Variants in FOXO3 observed in about 807,000 individuals in gnomAD.
FOXO3 encodes forkhead box protein O3.
A neutral mutation model predicts 41.9 loss-of-function variants in FOXO3; 4 were observed. The observed-to-expected ratio is 0.10, with a 90% confidence interval of 0.05 to 0.22. The LOEUF is 0.22. Ranked by LOEUF, FOXO3 falls within the 10% of genes least tolerant of loss-of-function variation. FOXO3 has a pLI of 1.00. For synonymous variants in FOXO3, 318 were observed against 389.3 expected, an observed-to-expected ratio of 0.82 and a Z score of 2.16; for missense variants, 534 against 906.8, an observed-to-expected ratio of 0.59 and a Z score of 5.28.
intron 1 of FOXO3, among the ~76,000 whole-genome samples, chr6:108,650,895 G>A (rs1014650048): frequency 3.9e-5 from 6 of 152,186 alleles, no homozygotes; most frequent in Middle Eastern, 3.4e-3. Context: ...CAGGAGTGTC[G>A]TGGAATAAAT....
chr6:108,641,560 A>G (rs1194134578), intron 1 of FOXO3, among the ~76,000 whole-genome samples: 1 of 152,186 alleles, frequency 6.6e-6, no homozygotes, highest in Non-Finnish European at 1.5e-5. Flanking sequence ...TGGAATAATA[A>G]GGCAACTTAT....
At chr6:108,638,841 C>A (rs948793321) in intron 1 of FOXO3, among the ~76,000 whole-genome samples, 11 of 152,152 alleles carry the variant, frequency 7.2e-5, no homozygotes, top group Non-Finnish European at 1.5e-4. Flanking sequence ...GGTCTAGATT[C>A]TTTGGAAAAA....
chr6:108,571,980 A>G (rs961233867), intron 1 of FOXO3, among the ~76,000 whole-genome samples: 1 of 152,182 alleles, frequency 6.6e-6, no homozygotes, highest in Non-Finnish European at 1.5e-5. Context: ...CAGTGAGGAC[A>G]GAGGGAGGCA....
At chr6:108,670,526 C>G (rs1779188469) in intron 2 of FOXO3, among the ~76,000 whole-genome samples, 1 of 151,108 alleles carries the variant, frequency 6.6e-6, no homozygotes, top group African/African-American at 2.4e-5. Context: ...TTAAGAAATA[C>G]CATGTTAAAC....
rs114228761 is a variant in FOXO3 at position 108,675,120 on chromosome 6, C to A, written c.*35-4707C>A. ...GATAGGGATTTATCTGTCCCTATCT[C>A]TGATAGGGATAGATCAGATAGTTTA... is the stretch of plus-strand genomic sequence containing the variant. On this transcript the variant is annotated intron_variant, in intron 2 of 2. Transcript: ENST00000406360. Among the ~76,000 whole-genome samples, 1,410 of 152,234 alleles carry A rather than the reference C, an allele frequency of 9.3e-3. 32 individuals carry two copies. Among genetic ancestry groups the A allele is most frequent in the African/African-American group, 0.032 (1,345 of 41,548 alleles).
chr6:108,656,274 G>GA, intron 1 of FOXO3: 1 of 596,910 alleles, frequency 1.7e-6, no homozygotes, highest in Non-Finnish European at 2.1e-6. Context: ...AAGATAAATT[G>GA]ATACCACATG....
intron 1 of FOXO3, among the ~76,000 whole-genome samples, chr6:108,587,983 G>A (rs534078199): frequency 2.0e-5 from 3 of 152,312 alleles, no homozygotes; most frequent in African/African-American, 7.2e-5. Context: ...TGTCTGTGTA[G>A]CGTCCTTCCT....
Position 108,663,685 on chromosome 6 carries a change from T to C in FOXO3, c.852T>C (p.Ser284=), listed in dbSNP as rs1778943160. The part of the protein sequence containing the change: ...LQTAPESADD[S]PSQLSKWPGS... Reference sequence around the variant, plus strand: ...CAGCCCCCGAATCAGCTGACGACAGTCCCTCCCAGCTCTCCAAGTGGCCTG... The same window carrying C: ...CAGCCCCCGAATCAGCTGACGACAGCCCCTCCCAGCTCTCCAAGTGGCCTG... The change falls in exon 2 of 3, where the codon AGT becomes AGC. Residue 284 remains serine, a synonymous_variant. Transcript: ENST00000406360. 6.2e-7 allele frequency: 1 copy of C among 1,613,040 alleles called. No individual in the cohort carries two copies.
chr6:108,676,681 C>T (rs993012012), intron 2 of FOXO3, among the ~76,000 whole-genome samples: 2 of 152,202 alleles, frequency 1.3e-5, no homozygotes, highest in African/African-American at 4.8e-5. Flanking sequence ...ACCCATGAAA[C>T]TTGTACCCAA....
chr6:108,659,215 AT>A (rs904247377), intron 1 of FOXO3, among the ~76,000 whole-genome samples: 1 of 151,710 alleles, frequency 6.6e-6, no homozygotes, highest in Non-Finnish European at 1.5e-5. Flanking sequence ...TTAAAAAAAA[AT>A]TTTTTTTTAG....
chr6:108,577,621 G>C (rs1465848385), intron 1 of FOXO3, among the ~76,000 whole-genome samples: 3 of 152,186 alleles, frequency 2.0e-5, no homozygotes, highest in Non-Finnish European at 2.9e-5. Flanking sequence ...TCTAGGTATG[G>C]GGCCTGGGCA....
At chr6:108,639,765 A>G (rs1443324739) in intron 1 of FOXO3, among the ~76,000 whole-genome samples, 1 of 152,262 alleles carries the variant, frequency 6.6e-6, no homozygotes, top group African/African-American at 2.4e-5. Flanking sequence ...ATCAATTAAG[A>G]AGACAAAACT....
chr6:108,564,776 T>A (rs1775909641), intron 1 of FOXO3, among the ~76,000 whole-genome samples: 1 of 101,666 alleles, frequency 9.8e-6, no homozygotes, highest in Non-Finnish European at 2.1e-5. Context: ...TTAGCATTGA[T>A]GGTTTTGTGT....
chr6:108,629,174 G>T (rs1407508313), intron 1 of FOXO3, among the ~76,000 whole-genome samples: 1 of 152,148 alleles, frequency 6.6e-6, no homozygotes, highest in East Asian at 1.9e-4. Context: ...AGTGGTGGTG[G>T]CGGTGTGGTG....
chr6:108,616,504 G>A (rs185399815), intron 1 of FOXO3, among the ~76,000 whole-genome samples: 102 of 152,058 alleles, frequency 6.7e-4, no homozygotes, highest in Non-Finnish European at 7.6e-4. Context: ...CGCTGTGTTG[G>A]CCAGGCTGGT....
intron 1 of FOXO3, among the ~76,000 whole-genome samples, chr6:108,620,228 T>C (rs1253217927): frequency 6.6e-6 from 1 of 152,214 alleles, no homozygotes; most frequent in Non-Finnish European, 1.5e-5. Flanking sequence ...ATAATATAAT[T>C]GACTAATTCC....
intron 1 of FOXO3, among the ~76,000 whole-genome samples, chr6:108,600,760 G>A (rs111617165): frequency 0.016 from 2,426 of 152,038 alleles, 64 homozygotes; most frequent in African/African-American, 0.056. Flanking sequence ...TGAATGTCTT[G>A]GCTAATTTTT....
At chr6:108,625,277 T>C (rs1777781083) in intron 1 of FOXO3, among the ~76,000 whole-genome samples, 1 of 152,224 alleles carries the variant, frequency 6.6e-6, no homozygotes, top group Non-Finnish European at 1.5e-5. Flanking sequence ...AAAGTTCAGT[T>C]ACTTAACATT....
intron 2 of FOXO3, among the ~76,000 whole-genome samples, chr6:108,668,765 T>C (rs1163291853): frequency 6.6e-6 from 1 of 152,118 alleles, no homozygotes; most frequent in Admixed American, 6.5e-5. Context: ...TCTTGTAGAA[T>C]ATTAGGTTTC....
Sources: allele counts gnomAD v4.1 joint callset (sites outside exome capture counted in the v4.1 genomes callset), GRCh38; gene constraint gnomAD v4.1.1; transcripts MANE v1.5; gene names NCBI Gene and HGNC (gene_info 2026-07-23, HGNC 2026-07-21).